The following GRIP1 variants were observed in gnomAD, a reference collection of about 807,000 sequenced individuals.
The protein encoded by GRIP1 is glutamate receptor-interacting protein 1.
Under a neutral mutation model 129.9 loss-of-function variants are expected in GRIP1, and 45 were observed. That is an observed-to-expected ratio of 0.35 (90% CI 0.27 to 0.44). The LOEUF (loss-of-function observed/expected upper bound fraction) is 0.44, where lower values mean the gene tolerates loss of function less well. GRIP1 is among the 20% of genes least tolerant of loss of function. GRIP1 has a pLI of 1.00. For missense variants in GRIP1, 1,196 were observed against 1,396.8 expected (o/e 0.86, Z 2.29); for synonymous variants, 530 against 520.8 (o/e 1.02, Z -0.24).
At chr12:67,049,200 T>C (rs1311626817) in intron 1 of GRIP1, among the ~76,000 whole-genome samples, 2 of 152,220 alleles carry the variant, frequency 1.3e-5, no homozygotes, top group African/African-American at 4.8e-5. Flanking sequence ...TAATTCTGTT[T>C]CATAAACAAT....
At chr12:66,700,110 T>C (rs1226865190) in intron 1 of GRIP1, among the ~76,000 whole-genome samples, 1 of 151,988 alleles carries the variant, frequency 6.6e-6, no homozygotes, top group Non-Finnish European at 1.5e-5. Flanking sequence ...TGGTGGGGGC[T>C]GGGGGAAACC....
intron 1 of GRIP1, among the ~76,000 whole-genome samples, chr12:66,977,181 T>C (rs1046714067): frequency 6.6e-6 from 1 of 151,636 alleles, no homozygotes; most frequent in Non-Finnish European, 1.5e-5. Context: ...AAATCTGCCA[T>C]GATTAAGATT....
At chr12:66,890,726 A>G (rs531970311) in intron 1 of GRIP1, among the ~76,000 whole-genome samples, 20 of 152,384 alleles carry the variant, frequency 1.3e-4, no homozygotes, top group African/African-American at 4.8e-4. Flanking sequence ...TTTATTATAC[A>G]TACTGATGGG....
intron 24 of GRIP1, among the ~76,000 whole-genome samples, chr12:66,351,456 T>C (rs1245184801): frequency 6.6e-6 from 1 of 152,060 alleles, no homozygotes; most frequent in Non-Finnish European, 1.5e-5. Context: ...TACTGAGATA[T>C]CAAATACCAC....
intron 1 of GRIP1, among the ~76,000 whole-genome samples, chr12:66,711,482 G>C (rs1171709259): frequency 1.3e-5 from 2 of 151,740 alleles, no homozygotes; most frequent in African/African-American, 2.4e-5. Flanking sequence ...CATCAAGAAA[G>C]TTAAATTTTG....
At chr12:66,482,835 G>A (rs2059843446) in intron 7 of GRIP1, among the ~76,000 whole-genome samples, 1 of 152,150 alleles carries the variant, frequency 6.6e-6, no homozygotes, top group African/African-American at 2.4e-5. Context: ...CCCATCCCTA[G>A]ACAGAAGATT....
chr12:66,713,296 T>G (rs1164195587), intron 1 of GRIP1, among the ~76,000 whole-genome samples: 5 of 152,020 alleles, frequency 3.3e-5, no homozygotes, highest in Non-Finnish European at 7.4e-5. Flanking sequence ...CCAGTGATTT[T>G]CTTCCTCAAC....
In GRIP1 at chr12:66,465,320, T is replaced by C. The variant is rs904105434; in HGVS notation, c.827A>G (p.Gln276Arg). Reference sequence around the variant, plus strand: ...TTTGATTTTGTCTATGACAATGACTTGTTTGTTACAGCACATCGAGGTAGT... The same window carrying C: ...TTTGATTTTGTCTATGACAATGACTCGTTTGTTACAGCACATCGAGGTAGT... ...ALTTSMCCNK[Q>R]VIVIDKIKSA... The change falls in exon 8 of 25, where the codon CAA becomes CGA. Residue 276 changes from glutamine to arginine, a missense_variant. This residue lies in a region of GRIP1 where 508 missense variants were observed against 587.0 expected (regional missense o/e 0.87). Transcript: ENST00000359742. The C allele has an allele frequency of 2.5e-6, 4 of 1,613,878 alleles. No individual in the cohort carries two copies. The highest frequency in any genetic ancestry group is 3.4e-6 in the Non-Finnish European group (4 of 1,179,856).
intron 1 of GRIP1, among the ~76,000 whole-genome samples, chr12:66,858,996 C>T (rs575927870): frequency 5.9e-5 from 9 of 151,998 alleles, no homozygotes; most frequent in Admixed American, 5.9e-4. Flanking sequence ...CCCATCATGA[C>T]TAGGCTTTTT....
chr12:66,931,839 G>A lies in GRIP1; in HGVS notation c.58+137211C>T, dbSNP rs1215963697. ...CTGCTGAATCACTGTGAAATTTCAG[G>A]ACCTCTCTTTTTAATATTTTGTTAA... On this transcript the variant is annotated intron_variant, in intron 1 of 1. Transcript: ENST00000643019. Among the ~76,000 whole-genome samples, 3 of 151,964 alleles carry A rather than the reference G, an allele frequency of 2.0e-5. No individual in the cohort carries two copies. In the East Asian group the frequency reaches 5.8e-4, roughly 29 times the overall value.
Position 66,834,263 on chromosome 12 carries a change from T to C in GRIP1, c.58+234787A>G, listed in dbSNP as rs527709321. On this transcript the variant is annotated intron_variant, in intron 1 of 1. Transcript: ENST00000643019. ...TGAGTTAGGTATTATAACAAGTGAT[T>C]ACACTGAGGCTTTGAGACATTACCT... Among the ~76,000 whole-genome samples the C allele has an allele frequency of 3.3e-5, 5 of 151,900 alleles. No individual in the cohort carries two copies. In the South Asian group the frequency reaches 1.0e-3, roughly 32 times the overall value.
chr12:66,763,574 A>C (rs1030649569), intron 1 of GRIP1, among the ~76,000 whole-genome samples: 5 of 152,184 alleles, frequency 3.3e-5, no homozygotes, highest in Non-Finnish European at 7.3e-5. Flanking sequence ...TTATCCCCAC[A>C]TGAGATATTT....
At position 66,348,069 on chromosome 12, in the gene GRIP1, C is replaced by T. The variant is rs907871508; in HGVS notation, c.*950G>A. ...TTTGTGAAAAATGTATTTACAATTT[C>T]GGTAAGTGGCATGGCTCAGAGCAAA... On this transcript the variant is annotated 3_prime_UTR_variant, in exon 25 of 25. Transcript: ENST00000359742. 1 of 152,050 alleles carries T rather than the reference C, an allele frequency of 6.6e-6. No individual in the cohort carries two copies. Among genetic ancestry groups the T allele is most frequent in the Non-Finnish European group, 1.5e-5 (1 of 68,032 alleles). The allele number at this position is 152,050 out of a possible 1,614,324, so 9.4% of individuals were successfully genotyped here. A position where few individuals can be genotyped will look rare whatever the true frequency, so the allele number is the denominator to read the frequency against.
At chr12:67,025,154 C>A (rs1278958278) in intron 1 of GRIP1, among the ~76,000 whole-genome samples, 4 of 152,182 alleles carry the variant, frequency 2.6e-5, no homozygotes, top group Admixed American at 6.6e-5. Flanking sequence ...GCCTGGCCAA[C>A]ATGGTGAAAC....
At chr12:67,048,908 C>G (rs919536396) in intron 1 of GRIP1, among the ~76,000 whole-genome samples, 1 of 152,148 alleles carries the variant, frequency 6.6e-6, no homozygotes, top group African/African-American at 2.4e-5. Context: ...TCCATTAAAC[C>G]CTTTTTTCTT....
At chr12:66,747,945 T>A (rs2037002056) in intron 1 of GRIP1, among the ~76,000 whole-genome samples, 1 of 152,212 alleles carries the variant, frequency 6.6e-6, no homozygotes, top group African/African-American at 2.4e-5. Flanking sequence ...TGCATATATA[T>A]AAATTTACAT....
At chr12:66,884,366 G>C (rs1436742537) in intron 1 of GRIP1, among the ~76,000 whole-genome samples, 1 of 152,144 alleles carries the variant, frequency 6.6e-6, no homozygotes, top group Non-Finnish European at 1.5e-5. Flanking sequence ...TATCATCGAG[G>C]ACCTGTAATT....
intron 13 of GRIP1, 56 bp downstream of exon 13, chr12:66,444,528 G>A (rs2058566337): frequency 7.5e-6 from 9 of 1,193,684 alleles, no homozygotes; most frequent in African/African-American, 1.6e-5. Context: ...TTTCCTCTCT[G>A]CCACATAACC....
intron 1 of GRIP1, among the ~76,000 whole-genome samples, chr12:66,664,592 T>C (rs1004904177): frequency 6.6e-6 from 1 of 152,156 alleles, no homozygotes; most frequent in African/African-American, 2.4e-5. Flanking sequence ...ATTTTCTTCC[T>C]AAATAATATT....
Sources: allele counts gnomAD v4.1 joint callset (sites outside exome capture counted in the v4.1 genomes callset), GRCh38; gene constraint gnomAD v4.1.1; regional missense constraint gnomAD v4.1.1; transcripts MANE v1.5; gene names NCBI Gene and HGNC (gene_info 2026-07-23, HGNC 2026-07-21).